Variants in SLC14A2 observed in about 807,000 individuals in gnomAD.
The protein encoded by SLC14A2 is solute carrier family 14 member 2, also known as urea transporter 2.
SLC14A2 carries 91 observed loss-of-function variants against 104.6 expected under a neutral mutation model. That is an observed-to-expected ratio of 0.87 (90% confidence interval 0.73 to 1.04). SLC14A2 has a LOEUF of 1.04. SLC14A2 is among the 50% of genes least tolerant of loss of function. The pLI is 0.00. For missense variants in SLC14A2, 1,189 were observed against 1,156.0 expected (o/e 1.03, Z -0.41); for synonymous variants, 476 against 466.4 (o/e 1.02, Z -0.27).
chr18:45,368,173 T>A (rs1464079431), intron 1 of SLC14A2, among the ~76,000 whole-genome samples: 2 of 152,132 alleles, frequency 1.3e-5, no homozygotes, highest in Non-Finnish European at 2.9e-5. Flanking sequence ...CCTGAAACTT[T>A]CTGCAGGTCT....
Position 45,637,024 on chromosome 18 carries a change from A to T in SLC14A2, c.685A>T (p.Ser229Cys), listed in dbSNP as rs762204648. The part of the protein sequence containing the change: ...VLSSALNSIF[S>C]KWDLPVFTLP... ...TTCTAGTGCCTTGAATTCCATCTTC[A>T]GCAAGTGGGACCTCCCGGTCTTCAC... is the stretch of plus-strand genomic sequence containing the variant. The change falls in exon 6 of 20, where the codon AGC becomes TGC. Residue 229 changes from serine (S) to cysteine (C), a missense_variant. Coordinates refer to ENST00000255226, the MANE Select transcript of SLC14A2 (RefSeq NM_007163.4). 1.2e-6 allele frequency: 2 copies of T among 1,614,180 alleles called. No homozygotes were observed. The highest frequency in any genetic ancestry group is 1.7e-6 in the Non-Finnish European group (2 of 1,180,020).
intron 3 of SLC14A2, 138 bp from the exon 4 acceptor site, chr18:45,626,820 A>ACCCCCCC: frequency 5.4e-6 from 1 of 185,470 alleles, no homozygotes; most frequent in African/African-American, 3.4e-5. Context: ...CCACCCCTCC[A>ACCCCCCC]CCCCGACCCC....
chr18:45,188,566 T>C, the SLC14A2 span, among the ~76,000 whole-genome samples: 4 of 152,144 alleles, frequency 2.6e-5, no homozygotes, highest in Non-Finnish European at 5.9e-5. Flanking sequence ...TTAACAACAT[T>C]AGCATTGCCC....
intron 1 of SLC14A2, among the ~76,000 whole-genome samples, chr18:45,434,317 A>G (rs184147896): frequency 3.3e-5 from 5 of 152,352 alleles, no homozygotes; most frequent in Admixed American, 1.3e-4. Context: ...GTTATCCTCA[A>G]TGATATAAGA....
intron 1 of SLC14A2, among the ~76,000 whole-genome samples, chr18:45,279,320 A>G (rs561018732): frequency 3.3e-4 from 51 of 152,348 alleles, no homozygotes; most frequent in Non-Finnish European, 6.2e-4. Flanking sequence ...TTTCTGATGA[A>G]TTTACGGGCA....
intron 1 of SLC14A2, among the ~76,000 whole-genome samples, chr18:45,432,801 T>G (rs1290074752): frequency 6.6e-6 from 1 of 152,176 alleles, no homozygotes; most frequent in African/African-American, 2.4e-5. Context: ...CACATAGACA[T>G]AGCCTCAGTC....
At chr18:45,588,978 G>C (rs897024866) in intron 2 of SLC14A2, among the ~76,000 whole-genome samples, 3 of 151,766 alleles carry the variant, frequency 2.0e-5, no homozygotes, top group Admixed American at 6.6e-5. Flanking sequence ...GGTGGGTGGG[G>C]GGGGGTGTTA....
intron 2 of SLC14A2, among the ~76,000 whole-genome samples, chr18:45,526,886 T>C (rs772571503): frequency 2.0e-5 from 3 of 152,046 alleles, no homozygotes; most frequent in Non-Finnish European, 4.4e-5. Context: ...AGAGCATGAA[T>C]AGAGAAAACT....
the SLC14A2 span, chr18:45,181,072 A>G: frequency 1.8e-4 from 27 of 152,432 alleles, no homozygotes; most frequent in African/African-American, 6.3e-4. Context: ...CAACCATAGG[A>G]CTTGTTCCCT....
chr18:45,346,996 TAAATAAATAAATAAAC>T (rs1462827640), intron 1 of SLC14A2, among the ~76,000 whole-genome samples: 108 of 144,542 alleles, frequency 7.5e-4, no homozygotes, highest in African/African-American at 2.8e-3. Context: ...AATAAATAAA[TAAATAAATAAATAAAC>T]AAACAAACAA....
intron 2 of SLC14A2, among the ~76,000 whole-genome samples, chr18:45,500,433 G>T (rs1043225445): frequency 5.3e-5 from 8 of 151,920 alleles, no homozygotes; most frequent in Non-Finnish European, 8.8e-5. Flanking sequence ...AAAAATTAGC[G>T]GGGCGTGGTA....
Position 45,346,733 on chromosome 18 carries a change from G to A in SLC14A2, c.-125+133542G>A, listed in dbSNP as rs115464136. On this transcript the variant is annotated intron_variant, in intron 1 of 20. Transcript: ENST00000586448. ...ACATGAGGTCACGAGTTCGAGACCT[G>A]GCCAACATGATGAAACCCGGCCAAC... Among the ~76,000 whole-genome samples the A allele has an allele frequency of 6.0e-3, 914 of 151,990 alleles. 8 individuals carry two copies. The highest frequency in any genetic ancestry group is 0.036 in the South Asian group (175 of 4,798).
intron 2 of SLC14A2, chr18:45,529,118 C>T (rs369918433): frequency 2.0e-5 from 3 of 152,200 alleles, no homozygotes; most frequent in African/African-American, 7.2e-5. Context: ...AGCCAAGAGC[C>T]CTGCTCAAAT....
intron 1 of SLC14A2, among the ~76,000 whole-genome samples, chr18:45,312,755 A>G (rs2085091529): frequency 6.6e-6 from 1 of 152,230 alleles, no homozygotes. Context: ...AGCGTGAAAT[A>G]AACAATGTGT....
chr18:45,198,771 G>T, the SLC14A2 span, among the ~76,000 whole-genome samples: 1 of 152,042 alleles, frequency 6.6e-6, no homozygotes, highest in African/African-American at 2.4e-5. Flanking sequence ...GAAGACCTTA[G>T]TATACCTCAT....
chr18:45,344,086 G>A (rs1174437466), intron 1 of SLC14A2, among the ~76,000 whole-genome samples: 1 of 152,136 alleles, frequency 6.6e-6, no homozygotes, highest in African/African-American at 2.4e-5. Context: ...CTGTGTAATT[G>A]TCTAGTTAGA....
chr18:45,414,757 A>AAAAAAAATATAT (rs1360051908), intron 1 of SLC14A2, among the ~76,000 whole-genome samples: 5 of 76,108 alleles, frequency 6.6e-5, no homozygotes, highest in Non-Finnish European at 8.7e-5. Flanking sequence ...AAAAAAAAAA[A>AAAAAAAATATAT]ATATATATAT....
chr18:45,444,345 C>A (rs1248322319), intron 1 of SLC14A2, among the ~76,000 whole-genome samples: 15 of 152,138 alleles, frequency 9.9e-5, no homozygotes, highest in Admixed American at 9.8e-4. Flanking sequence ...GTGGACCCTG[C>A]CAGTTCTGAC....
intron 2 of SLC14A2, among the ~76,000 whole-genome samples, chr18:45,539,721 A>C (rs2043856138): frequency 6.6e-6 from 1 of 152,090 alleles, no homozygotes; most frequent in Non-Finnish European, 1.5e-5. Flanking sequence ...GGATCTTTTA[A>C]TTACATGTGA....
Sources: allele counts gnomAD v4.1 joint callset (sites outside exome capture counted in the v4.1 genomes callset), GRCh38; gene constraint gnomAD v4.1.1; transcripts MANE v1.5; gene names NCBI Gene and HGNC (gene_info 2026-07-23, HGNC 2026-07-21).